Variants in SH3PXD2B observed in about 807,000 individuals in gnomAD.
The protein encoded by SH3PXD2B is SH3 and PX domain-containing protein 2B.
In SH3PXD2B, 37 loss-of-function variants were observed where a neutral mutation model predicts 73.1. That is an observed-to-expected ratio of 0.51 (90% confidence interval 0.39 to 0.67). The LOEUF (loss-of-function observed/expected upper bound fraction) is 0.67, where lower values mean the gene tolerates loss of function less well. Among genes scored for constraint, SH3PXD2B ranks in the 30% least tolerant of loss-of-function variants. The pLI, the probability that SH3PXD2B is intolerant of heterozygous loss-of-function variation, is 0.00. For synonymous variants in SH3PXD2B, 457 were observed against 480.5 expected (o/e 0.95, Z 0.64); for missense variants, 1,053 against 1,197.8 (o/e 0.88, Z 1.78).
In SH3PXD2B at chr5:172,422,484, G is replaced by A. The variant is rs142674400; in HGVS notation, c.88C>T (p.Arg30Trp). ...GTGGAGCCGCTGGACCACGTGACCC[G>A]GATGATGTAGACCTGCGGGAGCAAC... Reference protein sequence around the residue: ...VPNKHYVYIIRVTWSSGSTEA... With the variant: ...VPNKHYVYIIWVTWSSGSTEA... Residue 30 changes from arginine to tryptophan, a missense_variant, in exon 2 of 13, where the codon CGG (arginine) becomes TGG (tryptophan). Arg to Trp is a moderately radical substitution (Grantham distance 101). Transcript: ENST00000311601. The A allele has an allele frequency of 8.7e-6, 14 of 1,611,720 alleles. No individual in the cohort carries two copies. Among genetic ancestry groups the A allele is most frequent in the East Asian group, 2.2e-5 (1 of 44,872 alleles).
chr5:172,404,007 C>T (rs1581312571), intron 3 of SH3PXD2B, among the ~76,000 whole-genome samples: 3 of 152,214 alleles, frequency 2.0e-5, no homozygotes, highest in Admixed American at 1.3e-4. Flanking sequence ...CGCTTTGGAG[C>T]GCTGACATTT....
In SH3PXD2B at chr5:172,336,595, G is replaced by A; in HGVS notation, c.*1774C>T. The A allele has an allele frequency of 1.0e-6, 1 of 985,926 alleles. No homozygotes were observed. The highest frequency in any genetic ancestry group is 1.2e-6 in the Non-Finnish European group (1 of 830,006). 61.1% of individuals were successfully genotyped at this position (985,926 alleles called of 1,614,324 possible). ...GTTCAAGCAAAACTTTGGCACTGCA[G>A]GTAGACACTGAGCATCCCCCCAAAA... On this transcript the variant is annotated 3_prime_UTR_variant, in exon 13 of 13. Transcript: ENST00000311601.
At chr5:172,384,946 C>T (rs766319763) in intron 4 of SH3PXD2B, among the ~76,000 whole-genome samples, 12 of 152,128 alleles carry the variant, frequency 7.9e-5, no homozygotes, top group South Asian at 2.1e-4. Flanking sequence ...AAGGGCTCAC[C>T]GATTTTTAAA....
chr5:172,336,002 G>A lies in SH3PXD2B; in HGVS notation c.*2367C>T. The A allele has an allele frequency of 9.9e-7, 1 of 1,014,216 alleles. No individual in the cohort carries two copies. The highest frequency in any genetic ancestry group is 1.2e-6 in the Non-Finnish European group (1 of 849,394). 62.8% of individuals were successfully genotyped at this position (1,014,216 alleles called of 1,614,324 possible). ...GCCTAGAGGAAGGCAGGGCAAGTCT[G>A]CTCCTACCCAGCTGACCCCCGGGAG... On this transcript the variant is annotated 3_prime_UTR_variant, in exon 13 of 13. Transcript: ENST00000311601.
rs534916870 is a variant in SH3PXD2B at position 172,434,464 on chromosome 5, G to A, written c.76-11968C>T. ...AAAGGCCCCAGAACTCCATCGATAC[G>A]CTGTCCCCAGGGTCGGATGATGTGA... On this transcript the variant is annotated intron_variant, in intron 1 of 12. Coordinates refer to ENST00000311601, the MANE Select transcript of SH3PXD2B (RefSeq NM_001017995.3). 5.3e-5 allele frequency among the ~76,000 whole-genome samples: 8 copies of A among 152,250 alleles called. No individual in the cohort carries two copies. The South Asian group carries it at 6.2e-4, about 12-fold the overall frequency.
intron 2 of SH3PXD2B, among the ~76,000 whole-genome samples, chr5:172,414,325 C>T (rs570048135): frequency 2.0e-5 from 3 of 151,866 alleles, no homozygotes; most frequent in South Asian, 2.1e-4. Flanking sequence ...AAAAATTAGC[C>T]GGGCATGGTA....
intron 2 of SH3PXD2B, among the ~76,000 whole-genome samples, chr5:172,410,565 T>G (rs2113439642): frequency 6.6e-6 from 1 of 152,302 alleles, no homozygotes; most frequent in East Asian, 1.9e-4. Flanking sequence ...CTCTGTACTT[T>G]CCAGTCAATT....
rs6879811 is a variant in SH3PXD2B, at chr5:172,328,394, G to A, written c.1189-3014C>T. On this transcript the variant is annotated intron_variant, in intron 12 of 12. Coordinates refer to the SH3PXD2B transcript ENST00000519643. ...GCTGGGATTACAGGTGTGAGCCACC[G>A]CACCCAGCCGCCTAGGCTGATTTTA... Among the ~76,000 whole-genome samples, 469 of 152,124 alleles carry A rather than the reference G, an allele frequency of 3.1e-3. 2 individuals carry two copies. The highest frequency in any genetic ancestry group is 0.011 in the African/African-American group (446 of 41,502).
At chr5:172,391,542 A>G (rs1378764081) in intron 4 of SH3PXD2B, among the ~76,000 whole-genome samples, 1 of 152,166 alleles carries the variant, frequency 6.6e-6, no homozygotes, top group Admixed American at 6.6e-5. Flanking sequence ...GGCTCACTGC[A>G]ACCTCCACCT....
chr5:172,451,966 T>C (rs145709035), intron 1 of SH3PXD2B, among the ~76,000 whole-genome samples: 211 of 152,306 alleles, frequency 1.4e-3, no homozygotes, highest in African/African-American at 4.8e-3. Flanking sequence ...GCCTCTTGAA[T>C]CACATGAGTG....
chr5:172,437,006 T>C (rs546936940), intron 1 of SH3PXD2B, among the ~76,000 whole-genome samples: 9 of 152,246 alleles, frequency 5.9e-5, no homozygotes, highest in Non-Finnish European at 1.0e-4. Context: ...CCACACTGGC[T>C]GGGTTCCCAG....
intron 1 of SH3PXD2B, among the ~76,000 whole-genome samples, chr5:172,439,925 G>A (rs1759514360): frequency 6.6e-6 from 1 of 152,156 alleles, no homozygotes; most frequent in South Asian, 2.1e-4. Context: ...CTCACGCACT[G>A]CTACTCACAC....
At chr5:172,412,820 C>G (rs920053549) in intron 2 of SH3PXD2B, among the ~76,000 whole-genome samples, 11 of 152,168 alleles carry the variant, frequency 7.2e-5, no homozygotes, top group South Asian at 2.1e-4. Context: ...CGCGCTCCCC[C>G]CAGATAACAA....
In SH3PXD2B at chr5:172,370,316, G is replaced by T. The variant is rs147242802; in HGVS notation, c.427+3474C>A. Among the ~76,000 whole-genome samples, 924 of 152,308 alleles carry T rather than the reference G, an allele frequency of 6.1e-3. 2 individuals are homozygous for T. The highest frequency in any genetic ancestry group is 0.02 in the African/African-American group (812 of 41,566). On this transcript the variant is annotated intron_variant, in intron 6 of 12. Coordinates refer to ENST00000311601, the MANE Select transcript of SH3PXD2B (RefSeq NM_001017995.3). Reference sequence around the variant, plus strand: ...TGCCACCCAGTTTTAACACCTGATGGTGGCACAGTTGCACCACATACAATT... The same window carrying T: ...TGCCACCCAGTTTTAACACCTGATGTTGGCACAGTTGCACCACATACAATT...
chr5:172,408,665 A>T (rs1426876994), intron 2 of SH3PXD2B, among the ~76,000 whole-genome samples: 1 of 149,394 alleles, frequency 6.7e-6, no homozygotes, highest in African/African-American at 2.5e-5. Context: ...CAGCCTCCCA[A>T]GTAGTTGGGA....
chr5:172,360,115 A>G (rs1447225032), intron 7 of SH3PXD2B, among the ~76,000 whole-genome samples: 5 of 152,180 alleles, frequency 3.3e-5, no homozygotes. Context: ...GATAATAAAT[A>G]TGTGCTGTCG....
chr5:172,403,633 G>A (rs919344267), intron 3 of SH3PXD2B, among the ~76,000 whole-genome samples: 2 of 152,226 alleles, frequency 1.3e-5, no homozygotes, highest in Admixed American at 1.3e-4. Context: ...GAGAGGGTCG[G>A]CTCAAGTTCT....
chr5:172,337,955 T>G lies in SH3PXD2B; in HGVS notation c.*414A>C. 2 of 1,065,548 alleles carry G rather than the reference T, an allele frequency of 1.9e-6. No individual in the cohort carries two copies. Among genetic ancestry groups the G allele is most frequent in the Admixed American group, 4.9e-5 (1 of 20,556 alleles). 66.0% of individuals were successfully genotyped at this position (1,065,548 alleles called of 1,614,324 possible). Reference sequence around the variant, plus strand: ...GAAGAAGTTGGAGCAAAAGTCATCATGGACTGGGTTGGCTGCCCCTTACTG... The same window carrying G: ...GAAGAAGTTGGAGCAAAAGTCATCAGGGACTGGGTTGGCTGCCCCTTACTG... On this transcript the variant is annotated 3_prime_UTR_variant, in exon 13 of 13. Coordinates refer to ENST00000311601, the MANE Select transcript of SH3PXD2B (RefSeq NM_001017995.3).
chr5:172,353,793 TACCG>T lies in SH3PXD2B; in HGVS notation c.785+91_785+94del. The T allele has an allele frequency of 1.0e-6, 1 of 954,604 alleles. No individual in the cohort carries two copies. 59.1% of individuals were successfully genotyped at this position (954,604 alleles called of 1,614,324 possible). On this transcript the variant is annotated intron_variant, in intron 9 of 12. Transcript: ENST00000311601. The surrounding 1 kb of genome is among the most constrained non-coding windows in gnomAD (Gnocchi z 4.3). Reference sequence around the variant, plus strand: ...GAAACTTCGCCCAGATGCAATCACTTACCGACCTCTGTGAGGCCAGAGTCCCTGT... The same window carrying T: ...GAAACTTCGCCCAGATGCAATCACTTACCTCTGTGAGGCCAGAGTCCCTGT...
Sources: gnomAD v4.1 joint callset for allele counts (sites outside exome capture counted in the v4.1 genomes callset) on GRCh38, gnomAD v4.1.1 for gene constraint, Gnocchi (gnomAD v3.1) non-coding constraint, MANE v1.5 for transcripts, NCBI Gene and HGNC (gene_info 2026-07-23, HGNC 2026-07-21) for gene names.